The following CHD1 variants were observed in gnomAD, a reference collection of about 807,000 sequenced individuals.
The protein encoded by CHD1 is chromodomain helicase DNA binding protein 1, also known as ATP-dependent chromatin remodeler CHD1.
Under a neutral mutation model 224.2 loss-of-function variants are expected in CHD1, and 36 were observed. That is an observed-to-expected ratio of 0.16 (90% confidence interval 0.12 to 0.21). The LOEUF is 0.21. Ranked by LOEUF, CHD1 falls within the 10% of genes least tolerant of loss-of-function variation. The probability of loss-of-function intolerance (pLI) is 1.00; values close to 1 mark genes in which losing one functional copy is unlikely to be tolerated. For missense variants in CHD1, 1,378 were observed against 1,994.8 expected (o/e 0.69, Z 5.89); for synonymous variants, 668 against 658.3 (o/e 1.01, Z -0.23).
chr5:98,878,394 G>A (rs908790797), intron 23 of CHD1, among the ~76,000 whole-genome samples: 2 of 152,246 alleles, frequency 1.3e-5, no homozygotes, highest in Non-Finnish European at 2.9e-5. Flanking sequence ...TGGTAGCAGG[G>A]CAGGGACTAG....
intron 31 of CHD1, among the ~76,000 whole-genome samples, chr5:98,865,585 ACT>A (rs1165988879): frequency 6.6e-6 from 1 of 152,164 alleles, no homozygotes; most frequent in Non-Finnish European, 1.5e-5. Context: ...CTGACCTCAG[ACT>A]CTGCTCTTTC....
intron 2 of CHD1, among the ~76,000 whole-genome samples, chr5:98,925,595 A>G (rs1412607203): frequency 6.6e-6 from 1 of 152,208 alleles, no homozygotes; most frequent in East Asian, 1.9e-4. Context: ...ATTGTAAACT[A>G]ATGTGCAGAT....
At chr5:98,859,491 T>C (rs1378719684) in intron 33 of CHD1, among the ~76,000 whole-genome samples, 2 of 152,142 alleles carry the variant, frequency 1.3e-5, no homozygotes, top group East Asian at 3.8e-4. Context: ...CTTAGTCTAC[T>C]GCATGCTCTT....
At chr5:98,924,947 C>T (rs112990064) in intron 2 of CHD1, among the ~76,000 whole-genome samples, 5,588 of 151,128 alleles carry the variant, frequency 0.037, 165 homozygotes, top group Middle Eastern at 0.11. Context: ...CACTGCACTC[C>T]AGCCTGGGCG....
rs546613326 is a variant in CHD1 at position 98,868,208 on chromosome 5, T to C, written c.4248+287A>G. ...CTGGGTATATGGCACATGCCTCTAG[T>C]CCCAGCTACTCGAGAGGCTGAGGCA... On this transcript the variant is annotated intron_variant, in intron 31 of 35. Coordinates refer to ENST00000614616, the MANE Select transcript of CHD1 (RefSeq NM_001270.4). 2.0e-5 allele frequency among the ~76,000 whole-genome samples: 3 copies of C among 151,542 alleles called. No homozygotes were observed. The South Asian group carries it at 6.3e-4, about 32-fold the overall frequency.
At chr5:98,869,654 A>T in intron 30 of CHD1, 100 bp downstream of exon 30, 1 of 1,296,984 alleles carries the variant, frequency 7.7e-7, no homozygotes, top group Non-Finnish European at 1.1e-6. Context: ...ACACACACAG[A>T]CTTCGGTACC....
At chr5:98,901,394 A>G in intron 5 of CHD1, 59 bp from the exon 6 acceptor site, 19 of 1,360,424 alleles carry the variant, frequency 1.4e-5, no homozygotes, top group Non-Finnish European at 1.9e-5. Flanking sequence ...TTTTATCCCT[A>G]ATACAAAGAT....
intron 30 of CHD1, chr5:98,868,942 C>T (rs1427870560): frequency 1.5e-6 from 1 of 682,878 alleles, no homozygotes; most frequent in Admixed American, 5.9e-5. Context: ...GGCTGATATG[C>T]AATTTAGTCT....
At chr5:98,919,506 T>C (rs1275213249) in intron 2 of CHD1, among the ~76,000 whole-genome samples, 4 of 152,208 alleles carry the variant, frequency 2.6e-5, no homozygotes, top group Admixed American at 6.5e-5. Context: ...CACCGTATTT[T>C]AGTTGCGAAA....
chr5:98,904,767 CTAAAAG>C (rs1469558120), intron 3 of CHD1, 124 bp downstream of exon 3: 2 of 846,014 alleles, frequency 2.4e-6, no homozygotes, highest in African/African-American at 3.4e-5. Context: ...GTGAGAATCA[CTAAAAG>C]TAAATTTTAA....
At position 98,905,032 on chromosome 5, in the gene CHD1, A is replaced by G. The variant is rs780952283; in HGVS notation, c.120T>C (p.Ser40=). 3.2e-6 allele frequency: 5 copies of G among 1,571,882 alleles called. No homozygotes were observed. In the African/African-American group the frequency reaches 5.4e-5, roughly 17 times the overall value. The change falls in exon 3 of 36, where the codon AGT becomes AGC. Residue 40 remains serine (S), a synonymous_variant. Transcript: ENST00000614616. The stretch of plus-strand genomic sequence containing the variant: ...TACCTGACTGGCTACTGCTTCCATC[A>G]CTACTGCTTCCAGAACTCGAACCAG... ...SGSGSSSGSS[S]DGSSSQSGSS...
At chr5:98,904,244 G>A (rs1049658006) in intron 3 of CHD1, among the ~76,000 whole-genome samples, 32 of 152,124 alleles carry the variant, frequency 2.1e-4, no homozygotes, top group Non-Finnish European at 4.0e-4. Flanking sequence ...ATACGTCAAC[G>A]ATGTCACTAG....
chr5:98,927,852 C>T (rs961936803), intron 1 of CHD1, among the ~76,000 whole-genome samples: 2 of 152,282 alleles, frequency 1.3e-5, no homozygotes, highest in African/African-American at 4.8e-5. Context: ...CTCTGAGACC[C>T]TTTTCACAAC....
chr5:98,891,661 A>G (rs146493531), intron 15 of CHD1, among the ~76,000 whole-genome samples: 386 of 152,268 alleles, frequency 2.5e-3, no homozygotes, highest in African/African-American at 9.0e-3. Flanking sequence ...AAATAAAAAA[A>G]TCAGCAGGGC....
chr5:98,864,517 CAAAAAAAAAA>C (rs67061692), intron 31 of CHD1, among the ~76,000 whole-genome samples: 6,363 of 58,110 alleles, frequency 0.11, 259 homozygotes, highest in African/African-American at 0.22. Context: ...GATTCTATAC[CAAAAAAAAAA>C]AAAAAAAAAA....
chr5:98,866,022 T>C (rs2112475045), intron 31 of CHD1, among the ~76,000 whole-genome samples: 1 of 152,202 alleles, frequency 6.6e-6, no homozygotes, highest in African/African-American at 2.4e-5. Context: ...GAAGGGGAAG[T>C]AGCTCCAGTG....
At chr5:98,865,094 T>G (rs964222548) in intron 31 of CHD1, among the ~76,000 whole-genome samples, 9 of 152,162 alleles carry the variant, frequency 5.9e-5, no homozygotes, top group African/African-American at 2.2e-4. Context: ...GAGCTTCCTA[T>G]CTTATCATAA....
intron 34 of CHD1, chr5:98,858,758 T>C (rs2545736): frequency 0.16 from 69,060 of 442,648 alleles, 6,389 homozygotes; most frequent in Middle Eastern, 0.27. Context: ...ATTAAAAGGA[T>C]AATAAACTAA....
chr5:98,898,487 C>A, intron 9 of CHD1, 53 bp from the exon 10 acceptor site: 1 of 1,382,652 alleles, frequency 7.2e-7, no homozygotes, highest in Non-Finnish European at 9.6e-7. Flanking sequence ...TACATTTAAT[C>A]ATCAGATACA....
Sources: gnomAD v4.1 joint callset for allele counts (sites outside exome capture counted in the v4.1 genomes callset) on GRCh38, gnomAD v4.1.1 for gene constraint, MANE v1.5 for transcripts, NCBI Gene and HGNC (gene_info 2026-07-23, HGNC 2026-07-21) for gene names.